LTBP1: variants seen among roughly 807,000 people sequenced by gnomAD.
The protein encoded by LTBP1 is latent transforming growth factor beta binding protein 1.
Under a neutral mutation model 207.6 loss-of-function variants are expected in LTBP1, and 129 were observed. The observed-to-expected ratio is 0.62, with a 90% CI of 0.54 to 0.72. LTBP1 has a LOEUF of 0.72. Among genes scored for constraint, LTBP1 ranks in the 30% least tolerant of loss-of-function variants. LTBP1 has a pLI of 0.00. For missense variants in LTBP1, 2,281 were observed against 2,217.2 expected (o/e 1.03, Z -0.58); for synonymous variants, 963 against 833.7 (o/e 1.16, Z -2.67).
intron 15 of LTBP1, among the ~76,000 whole-genome samples, chr2:33,270,532 C>T (rs2093296134): frequency 7.1e-6 from 1 of 140,624 alleles, no homozygotes; most frequent in Non-Finnish European, 1.5e-5. Context: ...AGAGCTTGCA[C>T]TGAGCCGAGA....
chr2:33,258,753 A>G (rs1000579336), intron 12 of LTBP1, among the ~76,000 whole-genome samples: 1 of 152,092 alleles, frequency 6.6e-6, no homozygotes, highest in Admixed American at 6.5e-5. Flanking sequence ...TGCAGCAATG[A>G]TTTTACTTTG....
chr2:33,249,325 A>T (rs1376001115), intron 10 of LTBP1, among the ~76,000 whole-genome samples: 1 of 43,890 alleles, frequency 2.3e-5, no homozygotes, highest in African/African-American at 6.3e-5. Flanking sequence ...CTGATTTTTC[A>T]CACACACACA....
intron 2 of LTBP1, among the ~76,000 whole-genome samples, chr2:33,014,179 C>T (rs17012452): frequency 0.29 from 43,604 of 151,892 alleles, 6,965 homozygotes; most frequent in East Asian, 0.68. Flanking sequence ...TGGGCATGGT[C>T]CACGTATTTA....
intron 18 of LTBP1, among the ~76,000 whole-genome samples, chr2:33,277,307 C>T (rs748909604): frequency 3.9e-5 from 6 of 152,174 alleles, no homozygotes; most frequent in South Asian, 2.1e-4. Flanking sequence ...GTACCCTCCC[C>T]GAGGGCCACG....
intron 10 of LTBP1, among the ~76,000 whole-genome samples, chr2:33,251,739 A>G (rs1280542907): frequency 1.3e-5 from 2 of 149,664 alleles, no homozygotes; most frequent in African/African-American, 2.4e-5. Flanking sequence ...CCTCATTTGT[A>G]TGGTGATATG....
rs546373409 is a variant in LTBP1 at position 32,958,626 on chromosome 2, G to A, written c.565+9681G>A. On this transcript the variant is annotated intron_variant, in intron 2 of 33. Coordinates refer to ENST00000404816, the MANE Select transcript of LTBP1 (RefSeq NM_206943.4). Reference sequence around the variant, plus strand: ...CTACCTAGGAATAGAATGGAGTTGAGTCGAAGTAGCATTTCTGATTTTGCG... The same window carrying A: ...CTACCTAGGAATAGAATGGAGTTGAATCGAAGTAGCATTTCTGATTTTGCG... Among the ~76,000 whole-genome samples, 4 of 152,342 alleles carry A rather than the reference G, an allele frequency of 2.6e-5. No individual in the cohort carries two copies. The East Asian group carries it at 7.7e-4, about 29-fold the overall frequency.
At chr2:33,296,022 A>G (rs942724916) in intron 20 of LTBP1, among the ~76,000 whole-genome samples, 4 of 152,146 alleles carry the variant, frequency 2.6e-5, no homozygotes, top group Non-Finnish European at 5.9e-5. Flanking sequence ...GCTCACATCC[A>G]CAGTTTCCTA....
At position 33,397,255 on chromosome 2, in the gene LTBP1, T is replaced by C. The variant is rs1479118140; in HGVS notation, c.4957T>C (p.Leu1653=). The change falls in exon 33 of 34, where the codon TTG becomes CTG. Residue 1653 remains leucine, a synonymous_variant. Transcript: ENST00000404816. ...CTGCGATTGCTTTGATGGGTATCAC[T>C]TGGATACGGCCAAGATGACCTGTGT... ...YTCDCFDGYH[L]DTAKMTCVDV... 1 of 1,614,180 alleles carries C rather than the reference T, an allele frequency of 6.2e-7. No individual in the cohort carries two copies. Among genetic ancestry groups the C allele is most frequent in the Admixed American group, 1.7e-5 (1 of 60,016 alleles).
rs75707909 is a variant in LTBP1, at chr2:33,059,554, C to T, written c.863+38348C>T. Among the ~76,000 whole-genome samples, 1,336 of 152,252 alleles carry T rather than the reference C, an allele frequency of 8.8e-3. 25 individuals are homozygous for T. The highest frequency in any genetic ancestry group is 0.03 in the African/African-American group (1,243 of 41,544). On this transcript the variant is annotated intron_variant, in intron 3 of 33. Transcript: ENST00000404816. ...ACAGAGAACCTCTATAGGATTAAAA[C>T]AATGGAGCCAGACGCTCTCAGTGTT...
At chr2:33,056,813 G>A (rs967331016) in intron 3 of LTBP1, among the ~76,000 whole-genome samples, 4 of 152,056 alleles carry the variant, frequency 2.6e-5, no homozygotes, top group Admixed American at 6.5e-5. Flanking sequence ...TCCACAGTGT[G>A]GAAGGGGACC....
chr2:33,229,601 G>T (rs1209753093), intron 9 of LTBP1, among the ~76,000 whole-genome samples: 1 of 152,234 alleles, frequency 6.6e-6, no homozygotes, highest in East Asian at 1.9e-4. Flanking sequence ...CTTTAGAAGT[G>T]ATAGAAGTGC....
intron 7 of LTBP1, among the ~76,000 whole-genome samples, chr2:33,200,765 C>A (rs2089146126): frequency 1.3e-5 from 2 of 151,876 alleles, no homozygotes; most frequent in South Asian, 4.2e-4. Context: ...ACAATGAACT[C>A]AAACAAATTT....
chr2:33,206,628 A>G (rs1025476850), intron 7 of LTBP1, among the ~76,000 whole-genome samples: 2 of 151,854 alleles, frequency 1.3e-5, no homozygotes, highest in Admixed American at 1.3e-4. Context: ...AGTCCCAGCT[A>G]CTCAGGAGGC....
intron 5 of LTBP1, among the ~76,000 whole-genome samples, chr2:33,157,912 C>A (rs890694516): frequency 5.3e-5 from 8 of 152,092 alleles, no homozygotes; most frequent in African/African-American, 1.7e-4. Flanking sequence ...GAAGCCAAGG[C>A]ATGTGGATCA....
chr2:33,087,901 A>G (rs945409453), intron 3 of LTBP1, among the ~76,000 whole-genome samples: 2 of 152,212 alleles, frequency 1.3e-5, no homozygotes, highest in African/African-American at 4.8e-5. Flanking sequence ...TAAACATACA[A>G]TGTATGGTGT....
intron 3 of LTBP1, among the ~76,000 whole-genome samples, chr2:33,069,208 C>CA (rs540813503): frequency 1.6e-3 from 246 of 152,238 alleles, no homozygotes; most frequent in Middle Eastern, 3.4e-3. Flanking sequence ...ATGATGGCCC[C>CA]ACTCAAAGCC....
chr2:33,286,132 T>G (rs541952843), intron 19 of LTBP1, among the ~76,000 whole-genome samples: 1 of 152,322 alleles, frequency 6.6e-6, no homozygotes, highest in South Asian at 2.1e-4. Flanking sequence ...TGATAGAACT[T>G]GAGACCCGGT....
chr2:33,214,050 T>C (rs2090506953), intron 7 of LTBP1, among the ~76,000 whole-genome samples: 1 of 152,230 alleles, frequency 6.6e-6, no homozygotes, highest in Admixed American at 6.5e-5. Context: ...GCTACTAACA[T>C]TTTAAGCATA....
intron 3 of LTBP1, among the ~76,000 whole-genome samples, chr2:33,102,221 G>A (rs754027373): frequency 3.3e-5 from 5 of 152,098 alleles, no homozygotes; most frequent in Non-Finnish European, 5.9e-5. Context: ...CACGTTTAGA[G>A]CGCTAGTTTT....
Sources: allele counts gnomAD v4.1 joint callset (sites outside exome capture counted in the v4.1 genomes callset), GRCh38; gene constraint gnomAD v4.1.1; transcripts MANE v1.5; gene names NCBI Gene and HGNC (gene_info 2026-07-23, HGNC 2026-07-21).